Variants in ZFP28 observed in about 807,000 individuals in gnomAD.
The protein encoded by ZFP28 is zinc finger protein 28 homolog.
A neutral mutation model predicts 39.5 loss-of-function variants in ZFP28; 31 were observed. The ratio of observed to expected loss-of-function variants is 0.79; its 90% CI spans 0.59 to 1.06. ZFP28 has a LOEUF of 1.06. Among genes scored for constraint, ZFP28 ranks in the 50% least tolerant of loss-of-function variants. The probability of loss-of-function intolerance (pLI) is 0.00; values close to 1 mark genes in which losing one functional copy is unlikely to be tolerated. For synonymous variants in ZFP28, 400 were observed against 378.6 expected (o/e 1.06, Z -0.66); for missense variants, 925 against 1,048.4 (o/e 0.88, Z 1.63).
intron 7 of ZFP28, chr19:56,550,931 GC>G (rs1332086093): frequency 1.4e-6 from 2 of 1,414,474 alleles, no homozygotes; most frequent in African/African-American, 2.9e-5. Context: ...TGGTTAAATG[GC>G]CTATTGTTTT....
intron 2 of ZFP28, among the ~76,000 whole-genome samples, chr19:56,540,920 C>T (rs2044190243): frequency 7.8e-6 from 1 of 127,998 alleles, no homozygotes; most frequent in Non-Finnish European, 1.6e-5. Context: ...CAGTTCTTAC[C>T]TCCGTGACTT....
chr19:56,547,588 G>C lies in ZFP28; in HGVS notation c.381G>C (p.Leu127Phe). The C allele has an allele frequency of 1.9e-6, 3 of 1,613,764 alleles. No homozygotes were observed. Among genetic ancestry groups the C allele is most frequent in the Non-Finnish European group, 2.5e-6 (3 of 1,179,812 alleles). Residue 127 changes from leucine to phenylalanine, a missense_variant, in exon 3 of 8, where the codon TTG (leucine) becomes TTC (phenylalanine). Leu to Phe is a conservative substitution (Grantham distance 22). This residue lies in a region of ZFP28 where 556 missense variants were observed against 542.9 expected (regional missense o/e 1.02). Transcript: ENST00000301318. The surrounding 1 kb of genome is among the most constrained non-coding windows in gnomAD (Gnocchi z 4.6). ...WEWLNPIQRN[L>F]YRKVMLENYR... is the part of the protein sequence containing the mutation. ...GGCTGAACCCCATTCAGAGGAACTT[G>C]TACAGGAAGGTGATGTTGGAGAACT... is the stretch of plus-strand genomic sequence containing the variant.
At chr19:56,545,932 GC>G (rs2044237733) in intron 2 of ZFP28, 1 of 152,236 alleles carries the variant, frequency 6.6e-6, no homozygotes, top group African/African-American at 2.4e-5. Flanking sequence ...GGTGAGGACT[GC>G]CTGAAAATAT....
chr19:56,537,766 G>C (rs1012710559), upstream of ZFP28: 2 of 152,326 alleles, frequency 1.3e-5, no homozygotes, highest in African/African-American at 2.4e-5. Flanking sequence ...AGAGTAAGGA[G>C]ACCAGGCGTG....
chr19:56,547,841 G>A lies in ZFP28; in HGVS notation c.462G>A (p.Ser154=), dbSNP rs997091711. The change falls in exon 4 of 8, where the codon TCG becomes TCA. Residue 154 remains serine, a synonymous_variant. Transcript: ENST00000301318. This position sits in a 1 kb window ranked among gnomAD's most constrained non-coding sequence, Gnocchi z 4.6. ...LCVSKPDVIS[S]LEQGKEPWTV... ...TTTCTAAGCCCGATGTGATCTCCTC[G>A]TTGGAACAAGGAAAAGAGCCTTGGA... is the stretch of plus-strand genomic sequence containing the variant. 13 of 1,613,958 alleles carry A rather than the reference G, an allele frequency of 8.1e-6. No homozygotes were observed. The highest frequency in any genetic ancestry group is 4.4e-5 in the South Asian group (4 of 91,076).
rs758997174 is a variant in ZFP28 at position 56,554,920 on chromosome 19, A to C, written c.2135A>C (p.Asp712Ala). The change falls in exon 8 of 8, where the codon GAT (aspartate) becomes GCT (alanine). Residue 712 changes from aspartate (D) to alanine (A), a missense_variant. Physicochemically the swap from Asp to Ala is moderately radical, Grantham distance 126. This residue lies in a region of ZFP28 where 369 missense variants were observed against 505.5 expected (regional missense o/e 0.73). Coordinates refer to ENST00000301318, the MANE Select transcript of ZFP28 (RefSeq NM_020828.2). The surrounding 1 kb of genome is among the most constrained non-coding windows in gnomAD (Gnocchi z 6.7). Reference sequence around the variant, plus strand: ...ATGGAATGTGGGAAGGCCTTTGGTGATAACTCATCCTGTACTCAACATCAA... The same window carrying C: ...ATGGAATGTGGGAAGGCCTTTGGTGCTAACTCATCCTGTACTCAACATCAA... ...KCMECGKAFG[D>A]NSSCTQHQRL... 1 of 1,614,060 alleles carries C rather than the reference A, an allele frequency of 6.2e-7. No individual in the cohort carries two copies. The highest frequency in any genetic ancestry group is 1.3e-5 in the African/African-American group (1 of 74,928).
chr19:56,551,344 C>A, intron 7 of ZFP28: 2 of 986,752 alleles, frequency 2.0e-6, no homozygotes, highest in Non-Finnish European at 2.4e-6. Flanking sequence ...AAAACCGTGA[C>A]GTTATCACAA....
chr19:56,549,245 TA>T (rs1441347001), intron 5 of ZFP28, 124 bp downstream of exon 5: 1 of 1,102,640 alleles, frequency 9.1e-7, no homozygotes, highest in East Asian at 2.6e-5. Context: ...ATGCTTCTTA[TA>T]GACAGATTAT....
At chr19:56,538,404 T>C (rs891488534), upstream of ZFP28, 7 of 153,038 alleles carry the variant, frequency 4.6e-5, no homozygotes, top group African/African-American at 1.7e-4. Context: ...GTCCCACCCC[T>C]CGCCGCAAGC....
intron 1 of ZFP28, 79 bp downstream of exon 1, chr19:56,539,305 C>T (rs2044172375): frequency 1.4e-6 from 2 of 1,399,180 alleles, no homozygotes; most frequent in Non-Finnish European, 1.9e-6. Context: ...GGGTTGGGCT[C>T]TCGGGGACCA....
upstream of ZFP28, chr19:56,538,892 G>T: frequency 1.2e-6 from 1 of 800,774 alleles, no homozygotes; most frequent in East Asian, 4.0e-5. Flanking sequence ...CCGCGGCGCG[G>T]CCCAGTGGAT....
chr19:56,550,343 G>T, intron 6 of ZFP28, 162 bp downstream of exon 6: 1 of 892,606 alleles, frequency 1.1e-6, no homozygotes, highest in Non-Finnish European at 1.7e-6. Context: ...GGTGAAAGTT[G>T]GTGTCTTTGT....
At chr19:56,553,345 T>C (rs370910980) in intron 7 of ZFP28, among the ~76,000 whole-genome samples, 2 of 152,256 alleles carry the variant, frequency 1.3e-5, no homozygotes, top group East Asian at 3.9e-4. Flanking sequence ...CTTTGCCTCC[T>C]GAGTAGCTGG....
upstream of ZFP28, chr19:56,538,696 C>A (rs73629994): frequency 4.8e-5 from 7 of 144,446 alleles, no homozygotes; most frequent in African/African-American, 1.8e-4. Context: ...GGCATTGCGC[C>A]GAGGCCACGC....
chr19:56,547,391 G>A lies in ZFP28; in HGVS notation c.301-117G>A, dbSNP rs565899991. ...ATACAGTCACATTCAAAAGTACTGG[G>A]GATTAGGAGTTTAATGTAGGAGTTT... On this transcript the variant is annotated intron_variant, in intron 2 of 7. Transcript: ENST00000301318. This position sits in a 1 kb window ranked among gnomAD's most constrained non-coding sequence, Gnocchi z 4.6. 11 of 1,444,372 alleles carry A rather than the reference G, an allele frequency of 7.6e-6. No individual in the cohort carries two copies. The African/African-American group carries it at 1.5e-4, about 20-fold the overall frequency. The allele number at this position is 1,444,372 out of a possible 1,614,324, so 89.5% of individuals were successfully genotyped here.
At chr19:56,537,314 T>C (rs886638350), upstream of ZFP28, among the ~76,000 whole-genome samples, 1 of 152,132 alleles carries the variant, frequency 6.6e-6, no homozygotes, top group African/African-American at 2.4e-5. Context: ...TCCTGTGTCA[T>C]ACCCAAGCAG....
chr19:56,547,555 G>C lies in ZFP28; in HGVS notation c.348G>C (p.Glu116Asp). Residue 116 changes from glutamate (E) to aspartate (D), a missense_variant, in exon 3 of 8, where the codon GAG becomes GAC. Glu to Asp is a conservative substitution (Grantham distance 45). Around this residue, in one of 2 missense-constraint regions of ZFP28, gnomAD observed 556 missense variants for 542.9 expected, o/e 1.02. Coordinates refer to ENST00000301318, the MANE Select transcript of ZFP28 (RefSeq NM_020828.2). The surrounding 1 kb of genome is among the most constrained non-coding windows in gnomAD (Gnocchi z 4.6). ...GDVAVDFSQEEWEWLNPIQRN... is the reference protein window; with the variant it reads ...GDVAVDFSQEDWEWLNPIQRN... ...TGGCTGTAGATTTCTCCCAAGAGGA[G>C]TGGGAGTGGCTGAACCCCATTCAGA... 1 of 1,614,176 alleles carries C rather than the reference G, an allele frequency of 6.2e-7. No homozygotes were observed. Among genetic ancestry groups the C allele is most frequent in the Non-Finnish European group, 8.5e-7 (1 of 1,180,024 alleles).
intron 1 of ZFP28, 99 bp from the exon 2 acceptor site, chr19:56,539,523 AATG>A: frequency 1.0e-6 from 1 of 1,001,106 alleles, no homozygotes; most frequent in South Asian, 1.4e-5. Flanking sequence ...TAGGCAGGGT[AATG>A]ATCTGATCCC....
chr19:56,548,161 G>A (rs1244005673), intron 4 of ZFP28, among the ~76,000 whole-genome samples: 1 of 152,136 alleles, frequency 6.6e-6, no homozygotes, highest in Non-Finnish European at 1.5e-5. Flanking sequence ...AAAGCATTGG[G>A]AATCTTACAA....
Sources: gnomAD v4.1 joint callset for allele counts (sites outside exome capture counted in the v4.1 genomes callset) on GRCh38, gnomAD v4.1.1 for gene constraint, gnomAD v4.1.1 regional missense constraint, Gnocchi (gnomAD v3.1) non-coding constraint, MANE v1.5 for transcripts, NCBI Gene and HGNC (gene_info 2026-07-23, HGNC 2026-07-21) for gene names.